Variants in COMMD1 observed in about 807,000 individuals in gnomAD.
The protein encoded by COMMD1 is copper metabolism domain containing 1, also known as COMM domain-containing protein 1.
A neutral mutation model predicts 17.2 loss-of-function variants in COMMD1; 10 were observed. The ratio of observed to expected loss-of-function variants is 0.58; its 90% CI spans 0.36 to 0.99. The LOEUF (loss-of-function observed/expected upper bound fraction) is 0.99, where lower values mean the gene tolerates loss of function less well. COMMD1 is among the 50% of genes least tolerant of loss of function. The probability of loss-of-function intolerance (pLI) is 0.01; values close to 1 mark genes in which losing one functional copy is unlikely to be tolerated. For missense variants in COMMD1, 270 were observed against 231.8 expected (o/e 1.17, Z -1.07); for synonymous variants, 97 against 91.6 (o/e 1.06, Z -0.34).
chr2:61,965,243 G>C (rs1671475634), intron 1 of COMMD1, among the ~76,000 whole-genome samples: 1 of 152,056 alleles, frequency 6.6e-6, no homozygotes, highest in South Asian at 2.1e-4. Context: ...CTGTGATCAG[G>C]TTTTAATATG....
At chr2:62,023,192 C>T (rs1454265141) in intron 2 of COMMD1, among the ~76,000 whole-genome samples, 1 of 151,194 alleles carries the variant, frequency 6.6e-6, no homozygotes, top group Non-Finnish European at 1.5e-5. Context: ...TGCCATTGTA[C>T]TCCAGCCTGG....
At chr2:61,920,323 C>G (rs1670156516) in intron 1 of COMMD1, among the ~76,000 whole-genome samples, 1 of 151,916 alleles carries the variant, frequency 6.6e-6, no homozygotes, top group Admixed American at 6.6e-5. Flanking sequence ...CTATGCTAAT[C>G]AAGTACTCTT....
intron 2 of COMMD1, among the ~76,000 whole-genome samples, chr2:62,067,051 T>C (rs1029980719): frequency 6.6e-6 from 1 of 151,980 alleles, no homozygotes; most frequent in Non-Finnish European, 1.5e-5. Flanking sequence ...TGATGGGCTA[T>C]TTGTTATTGT....
chr2:62,102,723 T>G (rs1461178451), intron 2 of COMMD1, among the ~76,000 whole-genome samples: 1 of 152,178 alleles, frequency 6.6e-6, no homozygotes, highest in East Asian at 1.9e-4. Flanking sequence ...CTAAGAGTAT[T>G]ACTCTAACAT....
chr2:61,916,751 A>G (rs372704153), intron 1 of COMMD1, among the ~76,000 whole-genome samples: 12 of 152,156 alleles, frequency 7.9e-5, no homozygotes, highest in African/African-American at 2.4e-4. Context: ...TAAAAATTTA[A>G]TCGTCTCAAC....
chr2:62,120,974 G>C (rs1672726574), intron 2 of COMMD1, among the ~76,000 whole-genome samples: 3 of 150,958 alleles, frequency 2.0e-5, no homozygotes. Context: ...GAACTCCTGA[G>C]CTCGGGCAAT....
intron 2 of COMMD1, among the ~76,000 whole-genome samples, chr2:62,051,809 T>C (rs2103919193): frequency 6.6e-6 from 1 of 152,352 alleles, no homozygotes; most frequent in South Asian, 2.1e-4. Context: ...GTTAATGGTT[T>C]AGTAAGCTCA....
At chr2:61,929,245 G>A (rs1263113454) in intron 1 of COMMD1, among the ~76,000 whole-genome samples, 1 of 152,196 alleles carries the variant, frequency 6.6e-6, no homozygotes, top group Admixed American at 6.5e-5. Flanking sequence ...ATGTGTGAAG[G>A]ACACAGAATG....
In COMMD1 at chr2:62,056,290, C is replaced by A. The variant is rs554303586; in HGVS notation, c.462+55308C>A. On this transcript the variant is annotated intron_variant, in intron 2 of 2. Transcript: ENST00000311832. ...CATGCTTTTACATGTTCACACAGCT[C>A]TGTGAGGAGATAGATGCAGAGCACA... Among the ~76,000 whole-genome samples the A allele has an allele frequency of 8.5e-5, 13 of 152,296 alleles. No homozygotes were observed. In the East Asian group the frequency reaches 2.1e-3, roughly 25 times the overall value.
rs148216593 is a variant in COMMD1 at position 61,893,157 on chromosome 2, A to G, written n.119+4315A>G. On this transcript the variant is annotated intron_variant and non_coding_transcript_variant, in intron 1 of 2. Coordinates refer to the COMMD1 transcript ENST00000472729. ...ACTGGGATTACAGGTGTGAGCCACC[A>G]TGCCTGGCCTCATTCTATGTTTTTA... is the stretch of plus-strand genomic sequence containing the variant. Among the ~76,000 whole-genome samples the G allele has an allele frequency of 3.9e-3, 599 of 152,022 alleles. 5 individuals carry two copies. The highest frequency in any genetic ancestry group is 5.6e-3 in the Non-Finnish European group (378 of 68,010).
At chr2:62,043,498 G>A (rs1204021867) in intron 2 of COMMD1, among the ~76,000 whole-genome samples, 2 of 152,090 alleles carry the variant, frequency 1.3e-5, no homozygotes, top group Non-Finnish European at 2.9e-5. Context: ...TGCATCACAG[G>A]TGCTTATGAC....
intron 2 of COMMD1, among the ~76,000 whole-genome samples, chr2:62,064,603 A>G (rs1312347274): frequency 6.6e-6 from 1 of 152,182 alleles, no homozygotes; most frequent in Non-Finnish European, 1.5e-5. Flanking sequence ...TGAAGGTTAC[A>G]GTTTCATACA....
At chr2:61,972,913 C>G (rs1024682712) in intron 1 of COMMD1, among the ~76,000 whole-genome samples, 1 of 152,126 alleles carries the variant, frequency 6.6e-6, no homozygotes, top group Non-Finnish European at 1.5e-5. Flanking sequence ...TCAAGTGATC[C>G]GCCCGCTTCG....
In COMMD1 at chr2:62,075,027, C is replaced by T. The variant is rs192822473; in HGVS notation, c.463-60804C>T. 3.8e-3 allele frequency among the ~76,000 whole-genome samples: 580 copies of T among 151,510 alleles called. 3 individuals carry two copies. Among genetic ancestry groups the T allele is most frequent in the Non-Finnish European group, 5.7e-3 (385 of 67,870 alleles). On this transcript the variant is annotated intron_variant, in intron 2 of 2. Coordinates refer to ENST00000311832, the MANE Select transcript of COMMD1 (RefSeq NM_152516.4). ...GCCTCAGCCTCCCTAGTAGCTGGAA[C>T]TACAGGTGCACGCCACCACACCCAG...
intron 2 of COMMD1, among the ~76,000 whole-genome samples, chr2:62,088,243 G>T (rs1396167655): frequency 6.6e-6 from 1 of 151,922 alleles, no homozygotes; most frequent in African/African-American, 2.4e-5. Context: ...ACTTTCACTT[G>T]AAAATCGTAT....
chr2:61,888,570 C>T (rs1669319540), upstream of COMMD1: 4 of 1,572,844 alleles, frequency 2.5e-6, no homozygotes, highest in Admixed American at 3.5e-5. Context: ...TCTGGCCGGC[C>T]GCAGTGTAAT....
At chr2:61,968,974 A>T (rs1357107313) in intron 1 of COMMD1, 12 of 337,436 alleles carry the variant, frequency 3.6e-5, no homozygotes, top group African/African-American at 7.4e-5. Flanking sequence ...TAAAGACAGG[A>T]TCTTGCTGTG....
upstream of COMMD1, among the ~76,000 whole-genome samples, chr2:61,903,258 ACATGGT>A (rs1669697376): frequency 6.6e-6 from 1 of 152,098 alleles, no homozygotes; most frequent in Non-Finnish European, 1.5e-5. Flanking sequence ...AGCCTGGCCA[ACATGGT>A]GAAACCCCTT....
chr2:62,034,328 C>A (rs531582895), intron 2 of COMMD1, among the ~76,000 whole-genome samples: 1 of 151,792 alleles, frequency 6.6e-6, no homozygotes, highest in African/African-American at 2.4e-5. Context: ...TTGGAAATCC[C>A]GTCTCTATTA....
Sources: gnomAD v4.1 joint callset for allele counts (sites outside exome capture counted in the v4.1 genomes callset) on GRCh38, gnomAD v4.1.1 for gene constraint, MANE v1.5 for transcripts, NCBI Gene and HGNC (gene_info 2026-07-23, HGNC 2026-07-21) for gene names.